Variants in MEF2C observed in about 807,000 individuals in gnomAD.
The protein encoded by MEF2C is myocyte enhancer factor 2C, also known as myocyte-specific enhancer factor 2C.
A neutral mutation model predicts 50.5 loss-of-function variants in MEF2C; 6 were observed. The ratio of observed to expected loss-of-function variants is 0.12; its 90% CI spans 0.07 to 0.23. The LOEUF (loss-of-function observed/expected upper bound fraction) is 0.23. MEF2C is among the 10% of genes least tolerant of loss of function. The pLI, the probability that MEF2C is intolerant of heterozygous loss-of-function variation, is 1.00. For missense variants in MEF2C, 276 were observed against 605.0 expected, an observed-to-expected ratio of 0.46 and a Z score of 5.70; for synonymous variants, 183 against 228.0, an observed-to-expected ratio of 0.80 and a Z score of 1.78.
At chr5:88,739,458 G>A in intron 6 of MEF2C, 2 of 963,052 alleles carry the variant, frequency 2.1e-6, no homozygotes, top group Non-Finnish European at 2.5e-6. Flanking sequence ...AGTTTTTAAA[G>A]TTTTAAGATT....
At chr5:88,874,927 A>C (rs1325504384) in intron 1 of MEF2C, among the ~76,000 whole-genome samples, 3 of 151,996 alleles carry the variant, frequency 2.0e-5, no homozygotes, top group South Asian at 4.1e-4. Context: ...CTAAAGAAGA[A>C]GGCTAGTTTT....
chr5:88,830,738 T>C (rs1812689403), intron 1 of MEF2C, among the ~76,000 whole-genome samples: 1 of 152,048 alleles, frequency 6.6e-6, no homozygotes, highest in Admixed American at 6.6e-5. Context: ...TTCACAACAG[T>C]GCAGCCACCA....
In MEF2C at chr5:88,824,083, CACAG is replaced by C. The variant is rs1305763577; in HGVS notation, c.-142-157_-142-154del. 4 of 891,142 alleles carry C rather than the reference CACAG, an allele frequency of 4.5e-6. No individual in the cohort carries two copies. The East Asian group carries it at 2.3e-4, about 51-fold the overall frequency. 55.2% of individuals were successfully genotyped at this position (891,142 alleles called of 1,614,324 possible). On this transcript the variant is annotated intron_variant, in intron 1 of 10. Coordinates refer to ENST00000504921, the MANE Select transcript of MEF2C (RefSeq NM_002397.5). ...TTTTTGTTAAAAATATATGGTATATCACAGACAGGAGCAGATCAAGTAGTTTTAT... is the reference window on the plus strand; with the variant it reads ...TTTTTGTTAAAAATATATGGTATATCACAGGAGCAGATCAAGTAGTTTTAT...
At chr5:88,799,849 TTCTCTC>T (rs1235744521) in intron 3 of MEF2C, among the ~76,000 whole-genome samples, 112 of 119,424 alleles carry the variant, frequency 9.4e-4, no homozygotes, top group Middle Eastern at 4.7e-3. Flanking sequence ...GTCCCTTTCC[TTCTCTC>T]TCTCTCTCTC....
chr5:88,851,538 T>C (rs970377610), intron 1 of MEF2C, among the ~76,000 whole-genome samples: 6 of 152,118 alleles, frequency 3.9e-5, no homozygotes, highest in African/African-American at 9.7e-5. Flanking sequence ...TGTACAAGTA[T>C]TGGATGCAGA....
At chr5:88,738,989 A>G (rs1265861179) in intron 6 of MEF2C, 1 of 980,752 alleles carries the variant, frequency 1.0e-6, no homozygotes, top group Non-Finnish European at 1.2e-6. Context: ...ATGCTTTTAA[A>G]AGTAGATTTT....
At chr5:88,874,615 A>C (rs908740340) in intron 1 of MEF2C, among the ~76,000 whole-genome samples, 5 of 151,906 alleles carry the variant, frequency 3.3e-5, no homozygotes, top group Non-Finnish European at 7.4e-5. Flanking sequence ...TTTCTTAACA[A>C]TTTATCGGGA....
chr5:88,778,221 A>G (rs1343556251), intron 3 of MEF2C, among the ~76,000 whole-genome samples: 1 of 151,470 alleles, frequency 6.6e-6, no homozygotes, highest in Non-Finnish European at 1.5e-5. Flanking sequence ...AAATGTTTCA[A>G]CTCCTAACAT....
intron 6 of MEF2C, chr5:88,743,241 T>C: frequency 1.0e-6 from 1 of 984,264 alleles, no homozygotes; most frequent in Non-Finnish European, 1.2e-6. Flanking sequence ...CAATCTTAAG[T>C]TATGTTTTCC....
intron 6 of MEF2C, 135 bp downstream of exon 6, chr5:88,748,935 A>G: frequency 6.6e-7 from 1 of 1,515,222 alleles, no homozygotes; most frequent in Non-Finnish European, 8.9e-7. Context: ...AGTGCTTTAA[A>G]AATTCTTGGT....
intron 1 of MEF2C, among the ~76,000 whole-genome samples, chr5:88,888,529 C>T (rs1834216058): frequency 6.6e-6 from 1 of 152,176 alleles, no homozygotes; most frequent in Non-Finnish European, 1.5e-5. Context: ...GGTTTTTAGG[C>T]TTAGGCCCAC....
At chr5:88,848,852 T>C (rs244752) in intron 1 of MEF2C, among the ~76,000 whole-genome samples, 28,982 of 152,076 alleles carry the variant, frequency 0.19, 2,962 homozygotes, top group Middle Eastern at 0.3. Context: ...AAAATACTTC[T>C]TAAAATAATA....
At chr5:88,817,204 T>C (rs191577846) in intron 2 of MEF2C, among the ~76,000 whole-genome samples, 1 of 152,164 alleles carries the variant, frequency 6.6e-6, no homozygotes, top group Non-Finnish European at 1.5e-5. Flanking sequence ...AATTTTCTAT[T>C]AGGTTATTAA....
chr5:88,755,667 A>G (rs1011726736), intron 4 of MEF2C, among the ~76,000 whole-genome samples: 2 of 152,226 alleles, frequency 1.3e-5, no homozygotes, highest in African/African-American at 4.8e-5. Flanking sequence ...TCTGGGCTAC[A>G]AATGTTTTAA....
At chr5:88,840,694 G>A (rs987088835) in intron 1 of MEF2C, among the ~76,000 whole-genome samples, 7 of 151,866 alleles carry the variant, frequency 4.6e-5, no homozygotes, top group Non-Finnish European at 8.8e-5. Flanking sequence ...AGGTTATGCT[G>A]AATTCCTATC....
At chr5:88,827,560 C>T (rs1196249545) in intron 1 of MEF2C, among the ~76,000 whole-genome samples, 1 of 151,856 alleles carries the variant, frequency 6.6e-6, no homozygotes, top group East Asian at 1.9e-4. Flanking sequence ...AGACCGGGAG[C>T]GTGATTTTTA....
At chr5:88,780,950 C>G (rs1159761744) in intron 3 of MEF2C, 1 of 985,032 alleles carries the variant, frequency 1.0e-6, no homozygotes, top group Non-Finnish European at 1.2e-6. Flanking sequence ...TAAATTATAT[C>G]CTAATGCTAT....
chr5:88,874,181 C>T (rs781603212), intron 1 of MEF2C, among the ~76,000 whole-genome samples: 3 of 151,852 alleles, frequency 2.0e-5, no homozygotes, highest in Non-Finnish European at 2.9e-5. Flanking sequence ...ATAGAGTCAA[C>T]GTTTTAATCG....
chr5:88,891,966 A>C (rs2150238313), intron 1 of MEF2C, among the ~76,000 whole-genome samples: 1 of 152,286 alleles, frequency 6.6e-6, no homozygotes, highest in South Asian at 2.1e-4. Context: ...AGGATCCCCG[A>C]AGTGTCCAAA....
Sources: allele counts gnomAD v4.1 joint callset (sites outside exome capture counted in the v4.1 genomes callset), GRCh38; gene constraint gnomAD v4.1.1; transcripts MANE v1.5; gene names NCBI Gene and HGNC (gene_info 2026-07-23, HGNC 2026-07-21).